The following EFHB variants were observed in gnomAD, a reference collection of about 807,000 sequenced individuals.
The protein encoded by EFHB is EF-hand domain-containing family member B.
Under a neutral mutation model 87.2 loss-of-function variants are expected in EFHB, and 91 were observed. The ratio of observed to expected loss-of-function variants is 1.04; its 90% confidence interval spans 0.88 to 1.24. The LOEUF is 1.24. Among genes scored for constraint, EFHB ranks in the 50% most tolerant of loss-of-function variants. The pLI, the probability that EFHB is intolerant of heterozygous loss-of-function variation, is 0.00. For missense variants in EFHB, 1,084 were observed against 998.8 expected, an observed-to-expected ratio of 1.09 and a Z score of -1.15; for synonymous variants, 325 against 333.6, an observed-to-expected ratio of 0.97 and a Z score of 0.28.
intron 5 of EFHB, among the ~76,000 whole-genome samples, chr3:19,908,562 A>AAGAGAGAAAGAGAGAG (rs1559459432): frequency 2.4e-5 from 2 of 83,892 alleles, no homozygotes; most frequent in African/African-American, 9.7e-5. Flanking sequence ...GAAAGAGAGA[A>AAGAGAGAAAGAGAGAG]AGAGAGAGAG....
chr3:19,894,989 A>AATATATATATATATATATATATAT (rs1553629698), intron 9 of EFHB: 237 of 144,386 alleles, frequency 1.6e-3, no homozygotes, highest in African/African-American at 5.6e-3. Context: ...TGTCTCAAAA[A>AATATATATATATATATATATATAT]ATATATATAT....
intron 9 of EFHB, among the ~76,000 whole-genome samples, chr3:19,890,674 A>G (rs1694275647): frequency 7.3e-6 from 1 of 136,598 alleles, no homozygotes; most frequent in Non-Finnish European, 1.6e-5. Context: ...CCATAACCCT[A>G]ATGACTCCTT....
At chr3:19,939,370 C>CTTTTTTTTTTTTTTTTTTTTT (rs147510880) in intron 1 of EFHB, among the ~76,000 whole-genome samples, 1 of 64,582 alleles carries the variant, frequency 1.5e-5, no homozygotes, top group African/African-American at 6.3e-5. Flanking sequence ...GTTGGGTCTC[C>CTTTTTTTTTTTTTTTTTTTTT]TTTTTTTTTT....
chr3:19,896,517 A>G (rs756871733), intron 9 of EFHB, 170 bp downstream of exon 9: 16 of 910,242 alleles, frequency 1.8e-5, no homozygotes, highest in Non-Finnish European at 2.8e-5. Context: ...GCCACAGACA[A>G]TACTGAAAAC....
At chr3:19,932,420 T>G (rs560692017) in intron 1 of EFHB, among the ~76,000 whole-genome samples, 1 of 152,362 alleles carries the variant, frequency 6.6e-6, no homozygotes, top group South Asian at 2.1e-4. Context: ...ATATTTCTTC[T>G]TCATCTTCAT....
chr3:19,908,696 TG>T (rs1471283289), intron 5 of EFHB, among the ~76,000 whole-genome samples: 1 of 152,036 alleles, frequency 6.6e-6, no homozygotes, highest in East Asian at 1.9e-4. Flanking sequence ...GGGAATTTTT[TG>T]TATATTGTAT....
chr3:19,930,027 G>C (rs1254021529), intron 1 of EFHB, among the ~76,000 whole-genome samples: 3 of 152,108 alleles, frequency 2.0e-5, no homozygotes, highest in Non-Finnish European at 4.4e-5. Context: ...AGTAATAGTA[G>C]ATGACTCACA....
In EFHB at chr3:19,933,662, T is replaced by A; in HGVS notation, c.357A>T (p.Gly119=). Residue 119 remains glycine (G), a synonymous_variant, in exon 1 of 13, where the codon GGA becomes GGT. Coordinates refer to ENST00000295824, the MANE Select transcript of EFHB (RefSeq NM_144715.4). The stretch of plus-strand genomic sequence containing the variant: ...GCTGTATTATCCGTTCATGGGTATA[T>A]CCTGCAAGAAGACTCTCATTTTCTA... ...MGLENESLLA[G]YTHERIIQPP... The A allele has an allele frequency of 6.2e-7, 1 of 1,614,004 alleles. No individual in the cohort carries two copies. The highest frequency in any genetic ancestry group is 8.5e-7 in the Non-Finnish European group (1 of 1,179,898).
intron 11 of EFHB, among the ~76,000 whole-genome samples, chr3:19,883,767 C>G (rs563670222): frequency 6.6e-6 from 1 of 152,092 alleles, no homozygotes; most frequent in Non-Finnish European, 1.5e-5. Context: ...GAGAACACCA[C>G]GTGAAGATGA....
At chr3:19,891,708 G>T (rs1204952246) in intron 9 of EFHB, among the ~76,000 whole-genome samples, 2 of 152,238 alleles carry the variant, frequency 1.3e-5, no homozygotes, top group South Asian at 2.1e-4. Flanking sequence ...GCTACTGATT[G>T]AACTATCTGG....
chr3:19,879,578 G>T lies in EFHB; in HGVS notation c.*53C>A. The stretch of plus-strand genomic sequence containing the variant: ...AAACCAGAATGGATTCAACATTTTA[G>T]ATAAACACAGAGTTAATAATTCTTT... On this transcript the variant is annotated 3_prime_UTR_variant, in exon 13 of 13. Coordinates refer to ENST00000295824, the MANE Select transcript of EFHB (RefSeq NM_144715.4). The T allele has an allele frequency of 6.7e-7, 1 of 1,487,862 alleles. No individual in the cohort carries two copies. The highest frequency in any genetic ancestry group is 9.0e-7 in the Non-Finnish European group (1 of 1,116,896). 92.2% of individuals were successfully genotyped at this position (1,487,862 alleles called of 1,614,324 possible).
chr3:19,883,859 T>C (rs1367030276), intron 11 of EFHB, among the ~76,000 whole-genome samples: 1 of 152,166 alleles, frequency 6.6e-6, no homozygotes, highest in Non-Finnish European at 1.5e-5. Flanking sequence ...GGAAGAGGCA[T>C]GGACAGATTC....
In EFHB at chr3:19,898,813, CAG is replaced by C. The variant is rs1694570908; in HGVS notation, c.1533_1534del (p.Asp511GlufsTer10). ...AGGACGGAGACAAGCTCCAAATGTGCAGTCTGGGGGAACATTCATTGTTTCTG... is the reference window on the plus strand; with the variant it reads ...AGGACGGAGACAAGCTCCAAATGTGCTCTGGGGGAACATTCATTGTTTCTG... On this transcript the variant is annotated frameshift_variant, in exon 8 of 13. Transcript: ENST00000295824. LOFTEE classifies it high-confidence loss of function. 1.2e-6 allele frequency: 2 copies of C among 1,613,606 alleles called. No homozygotes were observed. The highest frequency in any genetic ancestry group is 2.7e-5 in the African/African-American group (2 of 74,908).
At chr3:19,900,648 C>T (rs1212318280) in intron 6 of EFHB, among the ~76,000 whole-genome samples, 1 of 151,966 alleles carries the variant, frequency 6.6e-6, no homozygotes, top group East Asian at 1.9e-4. Flanking sequence ...TAGAAAAGAG[C>T]CTGGGCACGG....
At chr3:19,907,679 C>T (rs1346553619) in intron 5 of EFHB, among the ~76,000 whole-genome samples, 1 of 152,098 alleles carries the variant, frequency 6.6e-6, no homozygotes, top group Non-Finnish European at 1.5e-5. Flanking sequence ...GAATACTGTG[C>T]TTTTTTCTTT....
rs147456599 is a variant in EFHB, at chr3:19,896,763, G to T, written c.1649C>A (p.Ala550Glu). ...GKDRQRALIAAVRHHLKKVNY... is the reference protein window; with the variant it reads ...GKDRQRALIAEVRHHLKKVNY... The stretch of plus-strand genomic sequence containing the variant: ...AACTTTCTTCAGGTGATGCCGAACT[G>T]CTGCAATCAGGGCTCGCTGTCTATC... Residue 550 changes from alanine (A) to glutamate (E), a missense_variant, in exon 9 of 13, where the codon GCA becomes GAA. Physicochemically the swap from Ala to Glu is moderately radical, Grantham distance 107 (BLOSUM62 -1). Coordinates refer to ENST00000295824, the MANE Select transcript of EFHB (RefSeq NM_144715.4). 1,318 of 1,614,016 alleles carry T rather than the reference G, an allele frequency of 8.2e-4. 4 individuals are homozygous for T. Among genetic ancestry groups the T allele is most frequent in the Admixed American group, 2.0e-3 (118 of 60,030 alleles).
In EFHB at chr3:19,882,562, T is replaced by A. The variant is rs895759415; in HGVS notation, c.2316A>T (p.Arg772Ser). Residue 772 changes from arginine (R) to serine (S), a missense_variant, in exon 12 of 13, where the codon AGA (arginine) becomes AGT (serine). Coordinates refer to ENST00000295824, the MANE Select transcript of EFHB (RefSeq NM_144715.4). ...TTATATGCTATACCTCTTCTTTTGA[T>A]CTGGTCTTGAAGAAGTCTCTTTCAA... Reference protein sequence around the residue: ...GVFERDFFKTRSKEEIAEILC... With the variant: ...GVFERDFFKTSSKEEIAEILC... 8.1e-6 allele frequency: 13 copies of A among 1,600,770 alleles called. No individual in the cohort carries two copies. The highest frequency in any genetic ancestry group is 1.0e-5 in the Non-Finnish European group (12 of 1,172,076).
chr3:19,938,467 T>C (rs752533175), upstream of EFHB, among the ~76,000 whole-genome samples: 3 of 152,202 alleles, frequency 2.0e-5, no homozygotes, highest in African/African-American at 2.4e-5. Flanking sequence ...GCTGGACATA[T>C]GTGATAAAGC....
upstream of EFHB, among the ~76,000 whole-genome samples, chr3:19,939,059 A>G (rs61068672): frequency 0.031 from 4,763 of 152,148 alleles, 237 homozygotes; most frequent in African/African-American, 0.1. Flanking sequence ...GGCACCCGCC[A>G]CCATGCCCAG....
Sources: gnomAD v4.1 joint callset for allele counts (sites outside exome capture counted in the v4.1 genomes callset) on GRCh38, gnomAD v4.1.1 for gene constraint, MANE v1.5 for transcripts, NCBI Gene and HGNC (gene_info 2026-07-23, HGNC 2026-07-21) for gene names.